UBE3A: variants seen among roughly 807,000 people sequenced by gnomAD.
The protein encoded by UBE3A is ubiquitin-protein ligase E3A.
Under a neutral mutation model 83.4 loss-of-function variants are expected in UBE3A, and 6 were observed. The observed-to-expected ratio is 0.07, with a 90% CI of 0.04 to 0.14. UBE3A has a LOEUF of 0.14. Among genes scored for constraint, UBE3A ranks in the 10% least tolerant of loss-of-function variants. The pLI is 1.00. For synonymous variants in UBE3A, 337 were observed against 355.4 expected (o/e 0.95, Z 0.58); for missense variants, 456 against 1,036.1 (o/e 0.44, Z 7.69).
At chr15:25,413,347 C>G (rs2090335014) in intron 1 of UBE3A, among the ~76,000 whole-genome samples, 1 of 152,066 alleles carries the variant, frequency 6.6e-6, no homozygotes, top group Non-Finnish European at 1.5e-5. Flanking sequence ...AAAGCTGTTT[C>G]AAAACTTAAT....
chr15:25,426,663 G>A (rs115898562), intron 1 of UBE3A, among the ~76,000 whole-genome samples: 2,619 of 152,114 alleles, frequency 0.017, 76 homozygotes, highest in African/African-American at 0.059. Flanking sequence ...ACTTCAAAAC[G>A]CTTTTCAAAA....
intron 11 of UBE3A, among the ~76,000 whole-genome samples, chr15:25,343,504 A>T (rs2075203191): frequency 6.6e-6 from 1 of 152,214 alleles, no homozygotes; most frequent in South Asian, 2.1e-4. Flanking sequence ...TTATAAGGTG[A>T]CCAAAGAAGA....
At chr15:25,386,669 A>T (rs563575511) in intron 4 of UBE3A, among the ~76,000 whole-genome samples, 2 of 152,154 alleles carry the variant, frequency 1.3e-5, no homozygotes, top group Non-Finnish European at 2.9e-5. Context: ...AATTACAGAA[A>T]TTCAAGGATA....
intron 1 of UBE3A, among the ~76,000 whole-genome samples, chr15:25,431,895 G>A (rs974236103): frequency 6.6e-6 from 1 of 152,116 alleles, no homozygotes; most frequent in Non-Finnish European, 1.5e-5. Flanking sequence ...TATAACCACA[G>A]AGGCACAATA....
intron 4 of UBE3A, among the ~76,000 whole-genome samples, chr15:25,379,465 T>C (rs925900727): frequency 3.9e-5 from 6 of 152,140 alleles, no homozygotes; most frequent in African/African-American, 1.4e-4. Context: ...GTTTAACAAA[T>C]AGCAGCTACA....
chr15:25,348,742 T>C (rs1341760759), intron 11 of UBE3A, among the ~76,000 whole-genome samples: 1 of 152,198 alleles, frequency 6.6e-6, no homozygotes, highest in Non-Finnish European at 1.5e-5. Context: ...TTTAAGTTTA[T>C]TCCTAACCAA....
chr15:25,362,561 A>G (rs925153238), intron 6 of UBE3A, among the ~76,000 whole-genome samples: 1 of 152,236 alleles, frequency 6.6e-6, no homozygotes, highest in Non-Finnish European at 1.5e-5. Flanking sequence ...CAGATTTGCA[A>G]TTTTGTGTCC....
chr15:25,336,498 G>A lies in UBE3A; in HGVS notation c.*2639C>T, dbSNP rs1005232186. The A allele has an allele frequency of 2.6e-5, 4 of 152,116 alleles. No homozygotes were observed. The highest frequency in any genetic ancestry group is 9.7e-5 in the African/African-American group (4 of 41,424). 9.4% of individuals were successfully genotyped at this position (152,116 alleles called of 1,614,324 possible). Reference sequence around the variant, plus strand: ...CTAACAGAATGTCTGTACCGAGGAGGGATGAGTAACATCGGCAAGTTCTGT... The same window carrying A: ...CTAACAGAATGTCTGTACCGAGGAGAGATGAGTAACATCGGCAAGTTCTGT... On this transcript the variant is annotated 3_prime_UTR_variant, in exon 13 of 13. Coordinates refer to ENST00000648336, the MANE Select transcript of UBE3A (RefSeq NM_130839.5).
intron 2 of UBE3A, among the ~76,000 whole-genome samples, chr15:25,409,693 T>G (rs934415166): frequency 1.3e-5 from 2 of 152,136 alleles, no homozygotes; most frequent in Non-Finnish European, 2.9e-5. Context: ...AAGATTTAAG[T>G]ATATGTAAAT....
intron 7 of UBE3A, 24 bp downstream of exon 7, chr15:25,360,359 T>TA: frequency 6.2e-7 from 1 of 1,613,236 alleles, no homozygotes; most frequent in East Asian, 2.2e-5. Context: ...TACGACACCA[T>TA]AATCACATTA....
intron 4 of UBE3A, among the ~76,000 whole-genome samples, chr15:25,394,130 C>A (rs1312988764): frequency 6.6e-6 from 1 of 152,142 alleles, no homozygotes; most frequent in East Asian, 1.9e-4. Context: ...TAGTCTCATA[C>A]CAACCAGTAC....
intron 4 of UBE3A, among the ~76,000 whole-genome samples, chr15:25,376,563 A>C (rs963957116): frequency 6.6e-6 from 1 of 152,108 alleles, no homozygotes; most frequent in Admixed American, 6.6e-5. Flanking sequence ...GGATCACTTG[A>C]GCCTGAGAGT....
intron 11 of UBE3A, among the ~76,000 whole-genome samples, chr15:25,352,069 C>T (rs1595539791): frequency 6.6e-6 from 1 of 152,046 alleles, no homozygotes; most frequent in Non-Finnish European, 1.5e-5. Context: ...GTGGTGTGCA[C>T]CTGTAACCCC....
At chr15:25,425,227 T>C (rs1000088623) in intron 1 of UBE3A, among the ~76,000 whole-genome samples, 3 of 152,164 alleles carry the variant, frequency 2.0e-5, no homozygotes, top group East Asian at 1.9e-4. Context: ...ACATACTGTA[T>C]GATTCCCATT....
intron 1 of UBE3A, among the ~76,000 whole-genome samples, chr15:25,412,225 A>G (rs995236204): frequency 6.6e-6 from 1 of 152,222 alleles, no homozygotes; most frequent in Admixed American, 6.5e-5. Context: ...AGTGCCTTCT[A>G]TTTATTTACT....
intron 4 of UBE3A, among the ~76,000 whole-genome samples, chr15:25,378,609 CAAAG>C (rs1392363894): frequency 1.3e-5 from 2 of 152,076 alleles, no homozygotes; most frequent in Non-Finnish European, 2.9e-5. Flanking sequence ...ACCAAGATCT[CAAAG>C]AAAGTACAGA....
chr15:25,366,062 T>G lies in UBE3A; in HGVS notation c.1608+4504A>C, dbSNP rs76912144. On this transcript the variant is annotated intron_variant, in intron 6 of 12. Transcript: ENST00000648336. ...TCACATGTAATACTAAGTTTGATGTTTCATTGTCTTAAATTATTATATAAT... is the reference window on the plus strand; with the variant it reads ...TCACATGTAATACTAAGTTTGATGTGTCATTGTCTTAAATTATTATATAAT... 7.9e-5 allele frequency among the ~76,000 whole-genome samples: 12 copies of G among 152,336 alleles called. No individual in the cohort carries two copies. In the East Asian group the frequency reaches 2.1e-3, roughly 27 times the overall value.
At chr15:25,434,048 C>T (rs1270450543) in intron 1 of UBE3A, among the ~76,000 whole-genome samples, 1 of 151,888 alleles carries the variant, frequency 6.6e-6, no homozygotes, top group Non-Finnish European at 1.5e-5. Flanking sequence ...GGCAACACAG[C>T]GAGACCCTGT....
chr15:25,379,777 C>T (rs773445215), intron 4 of UBE3A, among the ~76,000 whole-genome samples: 9 of 152,110 alleles, frequency 5.9e-5, no homozygotes, highest in Non-Finnish European at 1.2e-4. Context: ...GAGTCCACCA[C>T]CTGTTTATGT....
Sources: allele counts gnomAD v4.1 joint callset (sites outside exome capture counted in the v4.1 genomes callset), GRCh38; gene constraint gnomAD v4.1.1; transcripts MANE v1.5; gene names NCBI Gene and HGNC (gene_info 2026-07-23, HGNC 2026-07-21).